PCDHA9: variants seen among roughly 807,000 people sequenced by gnomAD.
The protein encoded by PCDHA9 is protocadherin alpha 9.
A neutral mutation model predicts 62.0 loss-of-function variants in PCDHA9; 62 were observed. The observed-to-expected ratio is 1.00, with a 90% confidence interval of 0.81 to 1.23. PCDHA9 has a LOEUF of 1.23. Among genes scored for constraint, PCDHA9 ranks in the 50% most tolerant of loss-of-function variants. The pLI is 0.00. For synonymous variants in PCDHA9, 557 were observed against 567.6 expected (o/e 0.98, Z 0.27); for missense variants, 1,205 against 1,249.8 (o/e 0.96, Z 0.54).
At chr5:140,949,657 T>G (rs908826690) in intron 1 of PCDHA9, among the ~76,000 whole-genome samples, 2 of 151,876 alleles carry the variant, frequency 1.3e-5, no homozygotes, top group Non-Finnish European at 3.0e-5. Flanking sequence ...TTTACTTTTG[T>G]TTCTTTAAAG....
chr5:140,973,134 C>T (rs999970948), intron 1 of PCDHA9, among the ~76,000 whole-genome samples: 6 of 152,182 alleles, frequency 3.9e-5, no homozygotes, highest in Admixed American at 6.5e-5. Flanking sequence ...AGTTTGCATT[C>T]ACTTTCACTT....
chr5:140,849,542 G>T lies in PCDHA9; in HGVS notation c.1047G>T (p.Gln349His). Residue 349 changes from glutamine to histidine, a missense_variant, in exon 1 of 4, where the codon CAG (glutamine) becomes CAT (histidine). Gln to His is a conservative substitution (Grantham distance 24). Coordinates refer to ENST00000532602, the MANE Select transcript of PCDHA9 (RefSeq NM_031857.2). ...EVVDVNDNAP[Q>H]LTIKTLSVPV... is the part of the protein sequence containing the mutation. ...TGGATGTAAATGACAATGCTCCACAGTTGACTATCAAAACGCTCTCGGTTC... is the reference window on the plus strand; with the variant it reads ...TGGATGTAAATGACAATGCTCCACATTTGACTATCAAAACGCTCTCGGTTC... 3.1e-6 allele frequency: 5 copies of T among 1,598,272 alleles called. No homozygotes were observed. The South Asian group carries it at 5.5e-5, about 18-fold the overall frequency.
chr5:140,899,052 C>CCAA (rs1554188364), intron 1 of PCDHA9, among the ~76,000 whole-genome samples: 7 of 151,400 alleles, frequency 4.6e-5, no homozygotes, highest in Non-Finnish European at 1.0e-4. Flanking sequence ...TATCCTGAGA[C>CCAA]TTTGCTGAAG....
chr5:140,954,046 G>T (rs1554221229), intron 1 of PCDHA9, among the ~76,000 whole-genome samples: 1 of 152,124 alleles, frequency 6.6e-6, no homozygotes, highest in East Asian at 1.9e-4. Context: ...TTGGTTTTCT[G>T]TTCCTGCATT....
At chr5:140,897,252 A>G (rs1179343621) in intron 1 of PCDHA9, among the ~76,000 whole-genome samples, 3 of 152,018 alleles carry the variant, frequency 2.0e-5, no homozygotes, top group East Asian at 3.9e-4. Flanking sequence ...TTACATATGT[A>G]TACATGTGCC....
chr5:140,850,104 G>A lies in PCDHA9; in HGVS notation c.1609G>A (p.Ala537Thr), dbSNP rs2150467227. The change falls in exon 1 of 4, where the codon GCG (alanine) becomes ACG (threonine). Residue 537 changes from alanine to threonine, a missense_variant. Coordinates refer to ENST00000532602, the MANE Select transcript of PCDHA9 (RefSeq NM_031857.2). ...ELELLQFQVS[A>T]RDAGVPPLGS... The stretch of plus-strand genomic sequence containing the variant: ...GGAGCTGCTACAGTTCCAGGTGAGC[G>A]CGCGCGACGCGGGCGTGCCGCCTCT... The A allele has an allele frequency of 6.3e-7, 1 of 1,596,106 alleles. No individual in the cohort carries two copies. Among genetic ancestry groups the A allele is most frequent in the Non-Finnish European group, 8.6e-7 (1 of 1,167,830 alleles).
chr5:140,849,774 G>A lies in PCDHA9; in HGVS notation c.1279G>A (p.Ala427Thr), dbSNP rs2150449369. The change falls in exon 1 of 4, where the codon GCG becomes ACG. Residue 427 changes from alanine to threonine, a missense_variant. By Grantham distance (58) the Ala-to-Thr change is moderately conservative. This residue lies in a region of PCDHA9 where 887 missense variants were observed against 809.5 expected (regional missense o/e 1.10). Transcript: ENST00000532602. ...SVSAYELVVT[A>T]RDGGSPSLWA... ...GTCCGCCTACGAGCTGGTGGTTACC[G>A]CGCGGGACGGGGGCTCGCCTTCACT... 3 of 1,598,480 alleles carry A rather than the reference G, an allele frequency of 1.9e-6. No individual in the cohort carries two copies. In the South Asian group the frequency reaches 3.3e-5, roughly 18 times the overall value.
chr5:140,863,237 C>A (rs782024401), intron 1 of PCDHA9: 6 of 1,306,974 alleles, frequency 4.6e-6, no homozygotes, highest in Non-Finnish European at 5.3e-6. Context: ...CCATCGCGGG[C>A]TTTGGCGGGC....
In PCDHA9 at chr5:140,903,563, T is replaced by C. The variant is rs1459855021; in HGVS notation, c.2394+52674T>C. ...CAAGAAACTTTTCTAATAAGTGGAA[T>C]TGGGAGCTGTCTAGCTGGTGTTGGC... On this transcript the variant is annotated intron_variant, in intron 1 of 3. Transcript: ENST00000532602. Among the ~76,000 whole-genome samples the C allele has an allele frequency of 2.6e-5, 4 of 152,208 alleles. No individual in the cohort carries two copies. In the East Asian group the frequency reaches 5.8e-4, roughly 22 times the overall value.
intron 1 of PCDHA9, chr5:140,927,588 A>G (rs914756357): frequency 1.9e-6 from 3 of 1,614,210 alleles, no homozygotes; most frequent in East Asian, 2.2e-5. Context: ...ACGCGCCTGT[A>G]TTTGAGCGCT....
At chr5:140,994,515 C>T (rs1450335712) in intron 3 of PCDHA9, among the ~76,000 whole-genome samples, 1 of 150,120 alleles carries the variant, frequency 6.7e-6, no homozygotes, top group African/African-American at 2.5e-5. Flanking sequence ...ACAGCCTGGG[C>T]AACATGGCAA....
At chr5:140,927,133 G>A (rs2083881073) in intron 1 of PCDHA9, 16 of 1,613,984 alleles carry the variant, frequency 9.9e-6, no homozygotes, top group Non-Finnish European at 1.4e-5. Context: ...CAGAGAGCCG[G>A]CGGACCGCGA....
At chr5:140,960,279 T>A (rs1220391317) in intron 1 of PCDHA9, among the ~76,000 whole-genome samples, 1 of 152,216 alleles carries the variant, frequency 6.6e-6, no homozygotes, top group African/African-American at 2.4e-5. Flanking sequence ...GTCACCTTTT[T>A]GGGACCCAGT....
rs2041429511 is a variant in PCDHA9 at position 140,850,211 on chromosome 5, CACTGACGGCGCAGTG to C, written c.1718_1732del (p.Thr573_Val577del). The C allele has an allele frequency of 6.3e-7, 1 of 1,593,540 alleles. No homozygotes were observed. The highest frequency in any genetic ancestry group is 8.6e-7 in the Non-Finnish European group (1 of 1,167,626). ...CGCTGCTGACACCTCGGATGAGGGG[CACTGACGGCGCAGTG>C]AGCGAGATGGTGCTGCGGTCGGTGG... On this transcript the variant is annotated inframe_deletion, in exon 1 of 4. Transcript: ENST00000532602.
At chr5:140,864,164 C>T (rs80100422) in intron 1 of PCDHA9, 19,126 of 151,926 alleles carry the variant, frequency 0.13, 1,273 homozygotes, top group Middle Eastern at 0.19. Context: ...TAAATCTTAC[C>T]GGAAGGATCA....
At position 140,982,388 on chromosome 5, in the gene PCDHA9, A is replaced by G. The variant is rs868944535; in HGVS notation, c.2454-87A>G. 32 of 1,592,320 alleles carry G rather than the reference A, an allele frequency of 2.0e-5. 1 individual carries two copies. The Middle Eastern group carries it at 4.6e-3, about 226-fold the overall frequency. Reference sequence around the variant, plus strand: ...ATGTGTTAGCTGCAGCCCTGGCTTCATAGTTGTAAGCAATTTCTGAGGGTG... The same window carrying G: ...ATGTGTTAGCTGCAGCCCTGGCTTCGTAGTTGTAAGCAATTTCTGAGGGTG... On this transcript the variant is annotated intron_variant, in intron 2 of 3. Coordinates refer to ENST00000532602, the MANE Select transcript of PCDHA9 (RefSeq NM_031857.2).
intron 1 of PCDHA9, chr5:140,875,581 G>A (rs1158750138): frequency 6.8e-6 from 11 of 1,613,944 alleles, no homozygotes; most frequent in African/African-American, 4.0e-5. Context: ...CTCCGTCTAC[G>A]AGGAGGCCAA....
chr5:140,874,901 T>G (rs896201686), intron 1 of PCDHA9, among the ~76,000 whole-genome samples: 2 of 152,208 alleles, frequency 1.3e-5, no homozygotes, highest in Admixed American at 1.3e-4. Context: ...TCTAAAATCT[T>G]ACGATGGAGT....
chr5:140,967,181 T>C (rs782433025), intron 1 of PCDHA9: 4 of 1,613,136 alleles, frequency 2.5e-6, no homozygotes, highest in East Asian at 2.2e-5. Context: ...GGTGGAAATA[T>C]TGGACATCAA....
Sources: gnomAD v4.1 joint callset for allele counts (sites outside exome capture counted in the v4.1 genomes callset) on GRCh38, gnomAD v4.1.1 for gene constraint, gnomAD v4.1.1 regional missense constraint, MANE v1.5 for transcripts, NCBI Gene and HGNC (gene_info 2026-07-23, HGNC 2026-07-21) for gene names.